CIT: variants seen among roughly 807,000 people sequenced by gnomAD.
CIT encodes citron rho-interacting serine/threonine kinase.
Under a neutral mutation model 272.7 loss-of-function variants are expected in CIT, and 79 were observed. The ratio of observed to expected loss-of-function variants is 0.29; its 90% CI spans 0.24 to 0.35. CIT has a LOEUF of 0.35. CIT is among the 10% of genes least tolerant of loss of function. The probability of loss-of-function intolerance (pLI) is 1.00; values close to 1 mark genes in which losing one functional copy is unlikely to be tolerated. For synonymous variants in CIT, 948 were observed against 995.6 expected, an observed-to-expected ratio of 0.95 and a Z score of 0.90; for missense variants, 1,909 against 2,618.3, an observed-to-expected ratio of 0.73 and a Z score of 5.91.
chr12:119,688,171 C>G lies in CIT; in HGVS notation c.*61G>C, dbSNP rs1955681989. ...GCTTGGGTCCCCATCAGCAGAGTTCCATAGTGTGTTTGGTGTTTTCCTGCA... is the reference window on the plus strand; with the variant it reads ...GCTTGGGTCCCCATCAGCAGAGTTCGATAGTGTGTTTGGTGTTTTCCTGCA... On this transcript the variant is annotated 3_prime_UTR_variant, in exon 48 of 48. Transcript: ENST00000392521. 1 of 1,571,398 alleles carries G rather than the reference C, an allele frequency of 6.4e-7. No homozygotes were observed.
chr12:119,853,648 G>C (rs1970380295), intron 4 of CIT, among the ~76,000 whole-genome samples: 1 of 152,154 alleles, frequency 6.6e-6, no homozygotes, highest in Non-Finnish European at 1.5e-5. Context: ...CTAAAATCAT[G>C]AGATTTAACA....
chr12:119,712,691 T>A lies in CIT; in HGVS notation c.4584A>T (p.Gly1528=). 6.2e-7 allele frequency: 1 copy of A among 1,613,622 alleles called. No homozygotes were observed. Among genetic ancestry groups the A allele is most frequent in the South Asian group, 1.1e-5 (1 of 91,050 alleles). ...LIYDNEAREA[G]QRPVEEFELC... is the part of the protein sequence containing the mutation. Reference sequence around the variant, plus strand: ...GCTCAAATTCTTCCACCGGCCTCTGTCCAGCTTGGTGCAAAGAGGAAGGGC... The same window carrying A: ...GCTCAAATTCTTCCACCGGCCTCTGACCAGCTTGGTGCAAAGAGGAAGGGC... The change falls in exon 36 of 48, where the codon GGA becomes GGT. Residue 1528 remains glycine, a synonymous_variant. Transcript: ENST00000392521. This position sits in a 1 kb window ranked among gnomAD's most constrained non-coding sequence, Gnocchi z 5.2.
At chr12:119,798,363 G>A (rs565174858) in intron 10 of CIT, among the ~76,000 whole-genome samples, 1 of 152,270 alleles carries the variant, frequency 6.6e-6, no homozygotes, top group African/African-American at 2.4e-5. Context: ...TCAAATCTCA[G>A]CTAAGCCACT....
rs1403954484 is a variant in CIT at position 119,850,168 on chromosome 12, A to G, written c.516+6T>C. ...TAATTCCAGAGAGACAGATGTAAAG[A>G]CTCACCAGATAAAGGTGATTTTTGT... On this transcript the variant is annotated splice_donor_region_variant and intron_variant, in intron 5 of 47. Coordinates refer to ENST00000392521, the MANE Select transcript of CIT (RefSeq NM_001206999.2). 1 of 1,546,774 alleles carries G rather than the reference A, an allele frequency of 6.5e-7. No individual in the cohort carries two copies. Among genetic ancestry groups the G allele is most frequent in the East Asian group, 2.2e-5 (1 of 44,528 alleles).
intron 5 of CIT, among the ~76,000 whole-genome samples, chr12:119,837,484 A>C (rs1969092609): frequency 6.6e-6 from 1 of 152,240 alleles, no homozygotes. Flanking sequence ...GCAGTCTTTG[A>C]GTCTTCTTAT....
At chr12:119,786,652 C>A (rs928665837) in intron 10 of CIT, among the ~76,000 whole-genome samples, 1 of 152,324 alleles carries the variant, frequency 6.6e-6, no homozygotes, top group South Asian at 2.1e-4. Context: ...TTCTACTGCC[C>A]AAACTACTTC....
Position 119,803,199 on chromosome 12 carries a change from C to A in CIT, c.1295+7G>T. The A allele has an allele frequency of 8.0e-7, 1 of 1,249,952 alleles. No homozygotes were observed. The highest frequency in any genetic ancestry group is 1.4e-5 in the South Asian group (1 of 70,460). The allele number at this position is 1,249,952 out of a possible 1,614,324, so 77.4% of individuals were successfully genotyped here. ...AGGTCCCTTTAGAAAGTCAAATTTT[C>A]ACTTACTCAGATCTACCAAGAATCC... On this transcript the variant is annotated splice_region_variant and intron_variant, in intron 10 of 47. Transcript: ENST00000392521.
At chr12:119,824,025 C>T (rs1290735718) in intron 8 of CIT, among the ~76,000 whole-genome samples, 2 of 76,672 alleles carry the variant, frequency 2.6e-5, no homozygotes, top group Non-Finnish European at 2.2e-5. Flanking sequence ...GGTAACAGAG[C>T]AAGACTCCAT....
intron 24 of CIT, among the ~76,000 whole-genome samples, chr12:119,741,620 G>A (rs1959062541): frequency 6.6e-6 from 1 of 152,216 alleles, no homozygotes; most frequent in African/African-American, 2.4e-5. Flanking sequence ...TGGAGGCTGG[G>A]AGGTGTCTCT....
At chr12:119,861,860 A>G (rs1192469642) in intron 3 of CIT, among the ~76,000 whole-genome samples, 7 of 152,262 alleles carry the variant, frequency 4.6e-5, no homozygotes, top group Non-Finnish European at 8.8e-5. Flanking sequence ...TCATCAACAG[A>G]AAAGTTGAAA....
chr12:119,767,911 GC>G (rs2137557973), intron 18 of CIT, among the ~76,000 whole-genome samples: 1 of 148,892 alleles, frequency 6.7e-6, no homozygotes, highest in South Asian at 2.1e-4. Flanking sequence ...TAAGTTTCCA[GC>G]TTTTTTTTTT....
At chr12:119,834,916 A>G (rs904040911) in intron 5 of CIT, among the ~76,000 whole-genome samples, 3 of 152,258 alleles carry the variant, frequency 2.0e-5, no homozygotes, top group African/African-American at 7.2e-5. Context: ...TAAGACAAAG[A>G]TATTAAAAAC....
intron 27 of CIT, 118 bp downstream of exon 27, chr12:119,730,377 T>A: frequency 8.5e-7 from 1 of 1,181,518 alleles, no homozygotes; most frequent in Non-Finnish European, 1.1e-6. Flanking sequence ...TTGGAGTGCA[T>A]GAACATATGT....
intron 32 of CIT, 29 bp from the exon 33 acceptor site, chr12:119,714,363 A>G: frequency 6.2e-7 from 1 of 1,612,188 alleles, no homozygotes; most frequent in South Asian, 1.1e-5. Flanking sequence ...AAAAATCATT[A>G]GAGTACTGCA....
At chr12:119,827,859 T>G (rs571483589) in intron 7 of CIT, among the ~76,000 whole-genome samples, 25 of 152,360 alleles carry the variant, frequency 1.6e-4, no homozygotes, top group Admixed American at 1.6e-3. Flanking sequence ...CTAATTACCT[T>G]GCAGGACCTA....
At chr12:119,692,119 G>C (rs972989547) in intron 46 of CIT, among the ~76,000 whole-genome samples, 4 of 152,080 alleles carry the variant, frequency 2.6e-5, no homozygotes, top group African/African-American at 4.8e-5. Context: ...GGACACATTG[G>C]ACTTTTGCAG....
In CIT at chr12:119,804,026, C is replaced by T. The variant is rs569408011; in HGVS notation, c.1112-637G>A. 1.4e-5 allele frequency: 5 copies of T among 350,298 alleles called. No individual in the cohort carries two copies. Among genetic ancestry groups the T allele is most frequent in the Non-Finnish European group, 2.0e-5 (5 of 250,064 alleles). The allele number at this position is 350,298 out of a possible 1,614,324, so 21.7% of individuals were successfully genotyped here. On this transcript the variant is annotated intron_variant, in intron 9 of 47. Coordinates refer to ENST00000392521, the MANE Select transcript of CIT (RefSeq NM_001206999.2). This position sits in a 1 kb window ranked among gnomAD's most constrained non-coding sequence, Gnocchi z 5.3. ...TTAGTTCATTATGCATCTTCCCCAGCGCAATCATGCCCATCAAATCCACTG... is the reference window on the plus strand; with the variant it reads ...TTAGTTCATTATGCATCTTCCCCAGTGCAATCATGCCCATCAAATCCACTG...
At position 119,695,025 on chromosome 12, in the gene CIT, G is replaced by A. The variant is rs896446550; in HGVS notation, c.5882+2634C>T. Among the ~76,000 whole-genome samples, 8 of 152,008 alleles carry A rather than the reference G, an allele frequency of 5.3e-5. No homozygotes were observed. In the South Asian group the frequency reaches 1.0e-3, roughly 20 times the overall value. ...GTCAAACCAAAAGAGTCAGGAGCAC[G>A]TGGGTATTTGGCACCTCTGCTTTTC... On this transcript the variant is annotated intron_variant, in intron 46 of 47. Transcript: ENST00000392521.
intron 24 of CIT, among the ~76,000 whole-genome samples, chr12:119,738,453 T>C (rs1958893149): frequency 6.6e-6 from 1 of 152,158 alleles, no homozygotes; most frequent in African/African-American, 2.4e-5. Flanking sequence ...AAAGAGAAAC[T>C]GAAAGGCTGA....
Sources: gnomAD v4.1 joint callset for allele counts (sites outside exome capture counted in the v4.1 genomes callset) on GRCh38, gnomAD v4.1.1 for gene constraint, Gnocchi (gnomAD v3.1) non-coding constraint, MANE v1.5 for transcripts, NCBI Gene and HGNC (gene_info 2026-07-23, HGNC 2026-07-21) for gene names.